CRKL: variants seen among roughly 807,000 people sequenced by gnomAD.
CRKL encodes CRK like proto-oncogene, adaptor protein.
CRKL carries 3 observed loss-of-function variants against 23.0 expected under a neutral mutation model. The observed-to-expected ratio is 0.13, with a 90% confidence interval of 0.06 to 0.34. The LOEUF (loss-of-function observed/expected upper bound fraction) is 0.34, where lower values mean the gene tolerates loss of function less well. CRKL is among the 10% of genes least tolerant of loss of function. CRKL has a pLI of 1.00. For synonymous variants in CRKL, 188 were observed against 160.7 expected (o/e 1.17, Z -1.28); for missense variants, 256 against 394.5 (o/e 0.65, Z 2.97).
In CRKL at chr22:20,951,031, A is replaced by C. The variant is rs1164748728; in HGVS notation, c.*1186A>C. On this transcript the variant is annotated 3_prime_UTR_variant, in exon 3 of 3. Coordinates refer to ENST00000354336, the MANE Select transcript of CRKL (RefSeq NM_005207.4). ...TTGCTTACCTTGTTTTGCCAGTGAT[A>C]AGAGCAGTGGGTTGGAGGGCACTTG... 1 of 232,732 alleles carries C rather than the reference A, an allele frequency of 4.3e-6. No individual in the cohort carries two copies. Among genetic ancestry groups the C allele is most frequent in the Non-Finnish European group, 8.5e-6 (1 of 117,802 alleles). The allele number at this position is 232,732 out of a possible 1,614,324, so 14.4% of individuals were successfully genotyped here.
chr22:20,935,277 G>A (rs924757446), intron 2 of CRKL, among the ~76,000 whole-genome samples: 6 of 151,478 alleles, frequency 4.0e-5, no homozygotes, highest in Non-Finnish European at 5.9e-5. Flanking sequence ...CATGCCCGTC[G>A]AATTTTTGTA....
Position 20,949,794 on chromosome 22 carries a change from C to G in CRKL, c.861C>G (p.Pro287=). The G allele has an allele frequency of 6.2e-7, 1 of 1,612,218 alleles. No homozygotes were observed. Residue 287 remains proline (P), a synonymous_variant, in exon 3 of 3, where the codon CCC becomes CCG. Coordinates refer to ENST00000354336, the MANE Select transcript of CRKL (RefSeq NM_005207.4). The part of the protein sequence containing the change: ...GEVNGRKGLF[P]FTHVKIFDPQ... ...TGAACGGGCGCAAAGGGCTTTTCCC[C>G]TTTACGCACGTCAAAATCTTTGACC...
At chr22:20,924,789 G>A (rs942274132) in intron 1 of CRKL, among the ~76,000 whole-genome samples, 19 of 152,078 alleles carry the variant, frequency 1.2e-4, no homozygotes, top group Admixed American at 3.9e-4. Flanking sequence ...AAAGTGAGTC[G>A]AGGTCGTGCA....
At position 20,917,948 on chromosome 22, in the gene CRKL, G is replaced by A; in HGVS notation, c.14G>A (p.Arg5Lys). The A allele has an allele frequency of 6.2e-7, 1 of 1,613,810 alleles. No homozygotes were observed. The highest frequency in any genetic ancestry group is 8.5e-7 in the Non-Finnish European group (1 of 1,179,954). The change falls in exon 1 of 3, where the codon AGG becomes AAG. Residue 5 changes from arginine to lysine, a missense_variant. Arg to Lys is a conservative substitution (Grantham distance 26, BLOSUM62 2). Transcript: ENST00000354336. MSSA[R>K]FDSSDRSAWY... ...CGGTCCAACACCATGTCCTCCGCCA[G>A]GTTCGACTCCTCGGACCGCTCCGCC... is the stretch of plus-strand genomic sequence containing the variant.
intron 2 of CRKL, among the ~76,000 whole-genome samples, chr22:20,944,497 C>G (rs895538205): frequency 6.6e-6 from 1 of 151,878 alleles, no homozygotes; most frequent in African/African-American, 2.4e-5. Context: ...CTCCACCTCC[C>G]TGGTTCAAGC....
Position 20,934,164 on chromosome 22 carries a change from A to C in CRKL, c.697A>C (p.Thr233Pro), listed in dbSNP as rs780153751. Reference sequence around the variant, plus strand: ...GGCAGCAATCACCCCTTTGCCATCCACACAGAATGGACCTGTCTTTGCGAA... The same window carrying C: ...GGCAGCAATCACCCCTTTGCCATCCCCACAGAATGGACCTGTCTTTGCGAA... Reference protein sequence around the residue: ...PGAAITPLPSTQNGPVFAKAI... With the variant: ...PGAAITPLPSPQNGPVFAKAI... Residue 233 changes from threonine (T) to proline (P), a missense_variant, in exon 2 of 3, where the codon ACA (threonine) becomes CCA (proline). By Grantham distance (38) the Thr-to-Pro change is conservative. Coordinates refer to ENST00000354336, the MANE Select transcript of CRKL (RefSeq NM_005207.4). 1 of 1,614,250 alleles carries C rather than the reference A, an allele frequency of 6.2e-7. No homozygotes were observed. Among genetic ancestry groups the C allele is most frequent in the East Asian group, 2.2e-5 (1 of 44,884 alleles).
chr22:20,920,386 C>T (rs921244949), intron 1 of CRKL, among the ~76,000 whole-genome samples: 1 of 151,928 alleles, frequency 6.6e-6, no homozygotes, highest in Non-Finnish European at 1.5e-5. Context: ...CCTGTAATCC[C>T]AGCTACTCGG....
intron 1 of CRKL, among the ~76,000 whole-genome samples, chr22:20,920,056 C>T (rs779877657): frequency 6.6e-6 from 1 of 152,138 alleles, no homozygotes; most frequent in Admixed American, 6.6e-5. Context: ...AGTTGAGAAT[C>T]TTAGAACCCA....
At chr22:20,927,989 A>C (rs1921293226) in intron 1 of CRKL, among the ~76,000 whole-genome samples, 1 of 151,402 alleles carries the variant, frequency 6.6e-6, no homozygotes, top group Non-Finnish European at 1.5e-5. Context: ...TGTGAAACCC[A>C]TCTCTGTTAA....
intron 1 of CRKL, among the ~76,000 whole-genome samples, chr22:20,927,348 G>A (rs1217758550): frequency 4.0e-5 from 6 of 148,684 alleles, no homozygotes; most frequent in African/African-American, 1.5e-4. Flanking sequence ...CCACCACCAT[G>A]CCCGGCTAAT....
At chr22:20,923,449 T>C (rs932694300) in intron 1 of CRKL, among the ~76,000 whole-genome samples, 4 of 151,526 alleles carry the variant, frequency 2.6e-5, no homozygotes, top group African/African-American at 9.7e-5. Flanking sequence ...GGGTAACTTT[T>C]TGTATTTTTA....
chr22:20,928,740 G>T (rs972237643), intron 1 of CRKL, among the ~76,000 whole-genome samples: 1 of 146,158 alleles, frequency 6.8e-6, no homozygotes, highest in Non-Finnish European at 1.5e-5. Context: ...TTGAGCCTTG[G>T]AGGTTGAGGC....
At chr22:20,941,588 A>ATATTTTTTTTTTTTTTTTTTT in intron 2 of CRKL, among the ~76,000 whole-genome samples, 1 of 33,540 alleles carries the variant, frequency 3.0e-5, no homozygotes, top group Non-Finnish European at 5.0e-5. Flanking sequence ...GTATATATAT[A>ATATTTTTTTTTTTTTTTTTTT]TTTTTTTTTT....
intron 1 of CRKL, among the ~76,000 whole-genome samples, chr22:20,933,557 A>T (rs1426626953): frequency 6.6e-6 from 1 of 151,550 alleles, no homozygotes; most frequent in Non-Finnish European, 1.5e-5. Context: ...AATCCCAGCT[A>T]CTCAGGAGGC....
intron 2 of CRKL, among the ~76,000 whole-genome samples, chr22:20,935,109 CG>C (rs1921602917): frequency 6.6e-6 from 1 of 151,656 alleles, no homozygotes; most frequent in South Asian, 2.1e-4. Flanking sequence ...CCACCGTGCC[CG>C]GCCCAGGAAT....
At chr22:20,941,588 A>ATATATATTTTTTT (rs1247116681) in intron 2 of CRKL, among the ~76,000 whole-genome samples, 4 of 33,540 alleles carry the variant, frequency 1.2e-4, no homozygotes, top group African/African-American at 4.8e-4. Flanking sequence ...GTATATATAT[A>ATATATATTTTTTT]TTTTTTTTTT....
intron 1 of CRKL, among the ~76,000 whole-genome samples, chr22:20,919,920 G>A (rs1657736209): frequency 6.6e-6 from 1 of 152,110 alleles, no homozygotes; most frequent in African/African-American, 2.4e-5. Context: ...GGGAGAAAGT[G>A]ATTATAAATC....
intron 2 of CRKL, among the ~76,000 whole-genome samples, chr22:20,946,953 C>T (rs1203852721): frequency 6.6e-6 from 1 of 152,174 alleles, no homozygotes; most frequent in African/African-American, 2.4e-5. Flanking sequence ...CAGCAGGCTG[C>T]ATAACAGCCA....
chr22:20,947,228 T>C (rs1201267529), intron 2 of CRKL, among the ~76,000 whole-genome samples: 1 of 150,042 alleles, frequency 6.7e-6, no homozygotes, highest in Non-Finnish European at 1.5e-5. Flanking sequence ...TTATGTGTTT[T>C]CTGTCTCTCT....
Sources: allele counts gnomAD v4.1 joint callset (sites outside exome capture counted in the v4.1 genomes callset), GRCh38; gene constraint gnomAD v4.1.1; transcripts MANE v1.5; gene names NCBI Gene and HGNC (gene_info 2026-07-23, HGNC 2026-07-21).